SLC4A7: variants seen among roughly 807,000 people sequenced by gnomAD.
The protein encoded by SLC4A7 is solute carrier family 4 member 7, also known as sodium bicarbonate cotransporter 3.
SLC4A7 carries 51 observed loss-of-function variants against 137.6 expected under a neutral mutation model. The observed-to-expected ratio is 0.37, with a 90% CI of 0.30 to 0.47. SLC4A7 has a LOEUF of 0.47. SLC4A7 is among the 20% of genes least tolerant of loss of function. The pLI is 1.00. For synonymous variants in SLC4A7, 542 were observed against 518.6 expected (o/e 1.05, Z -0.61); for missense variants, 1,247 against 1,525.4 (o/e 0.82, Z 3.04).
chr3:27,381,805 G>A (rs1294373880), intron 24 of SLC4A7, among the ~76,000 whole-genome samples: 1 of 152,140 alleles, frequency 6.6e-6, no homozygotes, highest in Non-Finnish European at 1.5e-5. Context: ...AAATAGGAGG[G>A]CCAGGCACAG....
intron 13 of SLC4A7, among the ~76,000 whole-genome samples, chr3:27,405,562 TAAAAA>T (rs2053257246): frequency 1.3e-5 from 2 of 152,174 alleles, no homozygotes; most frequent in East Asian, 3.9e-4. Context: ...ATTTTAAAAA[TAAAAA>T]ATAGTAAATA....
chr3:27,470,657 A>T (rs1171920570), intron 1 of SLC4A7, among the ~76,000 whole-genome samples: 1 of 151,482 alleles, frequency 6.6e-6, no homozygotes, highest in Admixed American at 6.6e-5. Context: ...AAAAAAAAAA[A>T]AACAGCCAGG....
intron 3 of SLC4A7, among the ~76,000 whole-genome samples, chr3:27,447,610 G>GT (rs2057755661): frequency 7.2e-6 from 1 of 138,482 alleles, no homozygotes; most frequent in Non-Finnish European, 1.5e-5. Context: ...TAAGTATAAT[G>GT]CCTAAGAATC....
At chr3:27,479,948 A>T (rs978242654) in intron 1 of SLC4A7, among the ~76,000 whole-genome samples, 1 of 152,226 alleles carries the variant, frequency 6.6e-6, no homozygotes, top group Non-Finnish European at 1.5e-5. Context: ...GTAAGATACA[A>T]TAAGAAGGAG....
At chr3:27,445,353 G>A (rs2057506160) in intron 3 of SLC4A7, among the ~76,000 whole-genome samples, 1 of 151,944 alleles carries the variant, frequency 6.6e-6, no homozygotes, top group Non-Finnish European at 1.5e-5. Flanking sequence ...CTCAACTCTA[G>A]GCTCTGTTTG....
chr3:27,419,403 T>TA (rs1487745671), intron 10 of SLC4A7, among the ~76,000 whole-genome samples: 1 of 151,526 alleles, frequency 6.6e-6, no homozygotes, highest in African/African-American at 2.4e-5. Context: ...ACCCCATCTC[T>TA]ACTAAAACTA....
At chr3:27,477,696 C>G (rs2059521485) in intron 1 of SLC4A7, among the ~76,000 whole-genome samples, 2 of 152,294 alleles carry the variant, frequency 1.3e-5, no homozygotes, top group South Asian at 4.1e-4. Context: ...CCTCCACCTC[C>G]TGGGTTCGAG....
chr3:27,412,548 C>T (rs550026132), intron 11 of SLC4A7, among the ~76,000 whole-genome samples: 2 of 152,248 alleles, frequency 1.3e-5, no homozygotes, highest in East Asian at 3.9e-4. Context: ...TAGCAAGGCT[C>T]ATCTACAAAT....
chr3:27,388,822 TTTC>T (rs201953558), intron 22 of SLC4A7, among the ~76,000 whole-genome samples: 18,988 of 150,288 alleles, frequency 0.13, 1,688 homozygotes, highest in Non-Finnish European at 0.19. Flanking sequence ...ATTTTTTAAA[TTTC>T]ATCAATAAGA....
chr3:27,440,311 G>A (rs1306766500), intron 3 of SLC4A7, among the ~76,000 whole-genome samples: 1 of 152,220 alleles, frequency 6.6e-6, no homozygotes, highest in South Asian at 2.1e-4. Flanking sequence ...TGACGTCACT[G>A]TAGCCACTTG....
At chr3:27,414,241 T>C (rs2054174738) in intron 11 of SLC4A7, among the ~76,000 whole-genome samples, 1 of 152,078 alleles carries the variant, frequency 6.6e-6, no homozygotes, top group Non-Finnish European at 1.5e-5. Flanking sequence ...GATCTTGCCA[T>C]TGCACTCCAG....
intron 13 of SLC4A7, among the ~76,000 whole-genome samples, chr3:27,406,184 A>G (rs765618637): frequency 5.3e-5 from 8 of 152,196 alleles, no homozygotes; most frequent in Non-Finnish European, 1.0e-4. Flanking sequence ...GTGTTCAGCC[A>G]TGGCCATATC....
chr3:27,448,296 T>C (rs1306103137), intron 3 of SLC4A7, among the ~76,000 whole-genome samples: 1 of 151,548 alleles, frequency 6.6e-6, no homozygotes, highest in Non-Finnish European at 1.5e-5. Flanking sequence ...TGTCTATCCA[T>C]TGCATATGTA....
rs139906988 is a variant in SLC4A7, at chr3:27,472,713, T to C, written c.60+11354A>G. Among the ~76,000 whole-genome samples the C allele has an allele frequency of 3.3e-5, 5 of 152,328 alleles. No individual in the cohort carries two copies. The East Asian group carries it at 7.7e-4, about 24-fold the overall frequency. ...ACTTTGCTATGGAACCATATTAAAA[T>C]ACTGTTTTGATTTCTAATCAATGAA... On this transcript the variant is annotated intron_variant, in intron 1 of 25. Transcript: ENST00000454389.
intron 23 of SLC4A7, among the ~76,000 whole-genome samples, chr3:27,383,975 T>A (rs2050688030): frequency 6.6e-6 from 1 of 152,106 alleles, no homozygotes; most frequent in African/African-American, 2.4e-5. Context: ...AGCAGACCAC[T>A]CAGGCTGGTT....
intron 15 of SLC4A7, among the ~76,000 whole-genome samples, chr3:27,402,233 T>G (rs1017345642): frequency 9.9e-5 from 15 of 152,260 alleles, no homozygotes; most frequent in Admixed American, 8.5e-4. Context: ...ATATGTCTAC[T>G]TTTAAAAGCC....
At chr3:27,473,076 T>A (rs1359975327) in intron 1 of SLC4A7, among the ~76,000 whole-genome samples, 1 of 125,516 alleles carries the variant, frequency 8.0e-6, no homozygotes, top group East Asian at 2.1e-4. Flanking sequence ...GAAGACTCTG[T>A]CTCAAAAAAA....
At chr3:27,403,573 T>C (rs191386599) in intron 14 of SLC4A7, among the ~76,000 whole-genome samples, 189 bp from the exon 15 acceptor site, 173 of 151,926 alleles carry the variant, frequency 1.1e-3, no homozygotes, top group African/African-American at 3.9e-3. Context: ...GACTAGCTTA[T>C]TAGTAGATTT....
In SLC4A7 at chr3:27,452,560, C is replaced by A. The variant is rs540561342; in HGVS notation, c.61-62G>T. 6 of 1,071,644 alleles carry A rather than the reference C, an allele frequency of 5.6e-6. No homozygotes were observed. In the African/African-American group the frequency reaches 9.8e-5, roughly 17 times the overall value. The allele number at this position is 1,071,644 out of a possible 1,614,324, so 66.4% of individuals were successfully genotyped here. ...CAATCTATTGAGGACCTATTATATG[C>A]ATCCTTTGAAATGGCAACAAAATAT... is the stretch of plus-strand genomic sequence containing the variant. On this transcript the variant is annotated intron_variant, in intron 1 of 25. Transcript: ENST00000454389.
Sources: allele counts gnomAD v4.1 joint callset (sites outside exome capture counted in the v4.1 genomes callset), GRCh38; gene constraint gnomAD v4.1.1; transcripts MANE v1.5; gene names NCBI Gene and HGNC (gene_info 2026-07-23, HGNC 2026-07-21).